The following NELL1 variants were observed in gnomAD, a reference collection of about 807,000 sequenced individuals.
NELL1 encodes protein kinase C-binding protein NELL1.
NELL1 carries 76 observed loss-of-function variants against 107.4 expected under a neutral mutation model. The observed-to-expected ratio is 0.71, with a 90% CI of 0.59 to 0.86. The LOEUF is 0.86. Among genes scored for constraint, NELL1 ranks in the 40% least tolerant of loss-of-function variants. The probability of loss-of-function intolerance (pLI) is 0.00; values close to 1 mark genes in which losing one functional copy is unlikely to be tolerated. For missense variants in NELL1, 1,024 were observed against 1,005.5 expected, an observed-to-expected ratio of 1.02 and a Z score of -0.25; for synonymous variants, 353 against 341.2, an observed-to-expected ratio of 1.03 and a Z score of -0.38.
At chr11:21,541,014 T>C (rs1224693901) in intron 16 of NELL1, among the ~76,000 whole-genome samples, 1 of 152,176 alleles carries the variant, frequency 6.6e-6, no homozygotes, top group Non-Finnish European at 1.5e-5. Flanking sequence ...TTATAGACTT[T>C]AGCAGATTAG....
At chr11:21,167,854 T>C (rs2133808319) in intron 13 of NELL1, among the ~76,000 whole-genome samples, 1 of 151,884 alleles carries the variant, frequency 6.6e-6, no homozygotes, top group Non-Finnish European at 1.5e-5. Context: ...AAAATCACCA[T>C]TTTAATGTGC....
rs554216283 is a variant in NELL1 at position 21,363,232 on chromosome 11, G to C, written c.1550-7621G>C. 2.0e-5 allele frequency among the ~76,000 whole-genome samples: 3 copies of C among 152,284 alleles called. No homozygotes were observed. The East Asian group carries it at 5.8e-4, about 29-fold the overall frequency. The stretch of plus-strand genomic sequence containing the variant: ...GAGGTCCCCTGTGAGATATAGTGAA[G>C]GGATGGCTTCCTGGGGCTCAAGTTG... On this transcript the variant is annotated intron_variant, in intron 14 of 19. Transcript: ENST00000357134.
chr11:20,867,567 A>T (rs117257956), intron 4 of NELL1, among the ~76,000 whole-genome samples: 4 of 152,278 alleles, frequency 2.6e-5, no homozygotes, highest in Non-Finnish European at 2.9e-5. Context: ...TCTGGGCATC[A>T]TTTGCAAAAT....
intron 14 of NELL1, among the ~76,000 whole-genome samples, chr11:21,303,493 T>C: frequency 6.6e-6 from 1 of 152,016 alleles, no homozygotes; most frequent in East Asian, 1.9e-4. Context: ...CATCTGACTG[T>C]AGCCTTATGT....
At chr11:20,914,677 A>C (rs1469415624) in intron 5 of NELL1, among the ~76,000 whole-genome samples, 4 of 152,196 alleles carry the variant, frequency 2.6e-5, no homozygotes, top group Non-Finnish European at 4.4e-5. Flanking sequence ...AAGGGGGTTC[A>C]TTCAGATGGT....
intron 15 of NELL1, among the ~76,000 whole-genome samples, chr11:21,530,040 T>G (rs1855955759): frequency 6.6e-6 from 1 of 152,270 alleles, no homozygotes; most frequent in South Asian, 2.1e-4. Context: ...GGCAGAGACC[T>G]TATCTCTCTA....
At chr11:20,904,884 AATG>A (rs1320928594) in intron 5 of NELL1, among the ~76,000 whole-genome samples, 1 of 151,778 alleles carries the variant, frequency 6.6e-6, no homozygotes, top group African/African-American at 2.4e-5. Flanking sequence ...GCTGGAGGAC[AATG>A]ATATGATCAT....
chr11:21,202,173 GT>G (rs1312352057), intron 13 of NELL1, among the ~76,000 whole-genome samples: 1 of 152,102 alleles, frequency 6.6e-6, no homozygotes, highest in Non-Finnish European at 1.5e-5. Context: ...CTCTTTTTCT[GT>G]TGTTTGGAAT....
intron 2 of NELL1, among the ~76,000 whole-genome samples, chr11:20,751,022 T>C (rs896727919): frequency 1.5e-5 from 2 of 130,678 alleles, no homozygotes; most frequent in Non-Finnish European, 3.1e-5. Context: ...ATTATTTGTC[T>C]ATGTGTGTGT....
At chr11:21,397,026 T>TG (rs1564874660) in intron 15 of NELL1, among the ~76,000 whole-genome samples, 1 of 151,616 alleles carries the variant, frequency 6.6e-6, no homozygotes, top group Non-Finnish European at 1.5e-5. Flanking sequence ...AGTAGCAGAG[T>TG]TGAGGACATT....
At chr11:20,940,670 G>A (rs990072677) in intron 10 of NELL1, among the ~76,000 whole-genome samples, 1 of 152,114 alleles carries the variant, frequency 6.6e-6, no homozygotes, top group Admixed American at 6.5e-5. Flanking sequence ...ACTGGTCTCC[G>A]AAACGGGAAC....
intron 4 of NELL1, among the ~76,000 whole-genome samples, chr11:20,850,340 T>C (rs1203934117): frequency 6.6e-6 from 1 of 152,232 alleles, no homozygotes; most frequent in African/African-American, 2.4e-5. Context: ...AGAGTTTTTC[T>C]CAACCTCTCA....
At chr11:20,818,663 G>A (rs959043618) in intron 3 of NELL1, among the ~76,000 whole-genome samples, 2 of 152,134 alleles carry the variant, frequency 1.3e-5, no homozygotes, top group Non-Finnish European at 2.9e-5. Flanking sequence ...GATATGTTGA[G>A]ATTGATGTAA....
chr11:21,041,176 G>A (rs961116180), intron 12 of NELL1, among the ~76,000 whole-genome samples: 1 of 152,152 alleles, frequency 6.6e-6, no homozygotes, highest in Non-Finnish European at 1.5e-5. Context: ...AAGGCTTGGT[G>A]GAAAGTCCAA....
At chr11:21,370,572 A>C (rs1851334726) in intron 14 of NELL1, among the ~76,000 whole-genome samples, 1 of 152,112 alleles carries the variant, frequency 6.6e-6, no homozygotes, top group Admixed American at 6.6e-5. Flanking sequence ...CAAATGTATA[A>C]ATGAGAGTAA....
intron 13 of NELL1, among the ~76,000 whole-genome samples, chr11:21,163,223 G>A (rs1255770256): frequency 6.6e-6 from 1 of 152,202 alleles, no homozygotes; most frequent in East Asian, 1.9e-4. Flanking sequence ...ATGAAGATGG[G>A]AAGACAGGCA....
intron 15 of NELL1, among the ~76,000 whole-genome samples, chr11:21,521,405 A>G (rs1017752077): frequency 2.6e-5 from 4 of 152,182 alleles, no homozygotes; most frequent in African/African-American, 9.7e-5. Flanking sequence ...TTTTATGAAC[A>G]AGGATTTTTT....
intron 15 of NELL1, among the ~76,000 whole-genome samples, chr11:21,501,266 T>C (rs1855133613): frequency 6.6e-6 from 1 of 152,148 alleles, no homozygotes; most frequent in Non-Finnish European, 1.5e-5. Flanking sequence ...AAGTAACAGA[T>C]ATTTGTTCTC....
chr11:21,360,088 T>C (rs910262627), intron 14 of NELL1, among the ~76,000 whole-genome samples: 6 of 152,164 alleles, frequency 3.9e-5, no homozygotes, highest in African/African-American at 1.4e-4. Flanking sequence ...TTAGATCATC[T>C]ATTTGTGCTC....
Sources: gnomAD v4.1 joint callset for allele counts (sites outside exome capture counted in the v4.1 genomes callset) on GRCh38, gnomAD v4.1.1 for gene constraint, MANE v1.5 for transcripts, NCBI Gene and HGNC (gene_info 2026-07-23, HGNC 2026-07-21) for gene names.